CEP112: variants seen among roughly 807,000 people sequenced by gnomAD.
CEP112 encodes centrosomal protein 112.
CEP112 carries 127 observed loss-of-function variants against 153.0 expected under a neutral mutation model. That is an observed-to-expected ratio of 0.83 (90% CI 0.72 to 0.96). The LOEUF (loss-of-function observed/expected upper bound fraction) is 0.96, where lower values mean the gene tolerates loss of function less well. CEP112 is among the 40% of genes least tolerant of loss of function. CEP112 has a pLI of 0.00. For missense variants in CEP112, 1,089 were observed against 1,101.2 expected (o/e 0.99, Z 0.16); for synonymous variants, 358 against 374.4 (o/e 0.96, Z 0.51).
At chr17:66,031,509 G>A (rs2065483074) in intron 12 of CEP112, among the ~76,000 whole-genome samples, 1 of 140,336 alleles carries the variant, frequency 7.1e-6, no homozygotes, top group African/African-American at 2.7e-5. Flanking sequence ...TTTGAGACAG[G>A]GTCTCATAGC....
intron 18 of CEP112, among the ~76,000 whole-genome samples, chr17:65,952,924 G>A (rs1220086003): frequency 6.6e-6 from 1 of 152,122 alleles, no homozygotes; most frequent in African/African-American, 2.4e-5. Context: ...CTTCTTTTGT[G>A]AAGTGCCTGT....
At chr17:66,096,062 G>A (rs2068332596) in intron 8 of CEP112, among the ~76,000 whole-genome samples, 189 bp downstream of exon 8, 1 of 151,976 alleles carries the variant, frequency 6.6e-6, no homozygotes, top group South Asian at 2.1e-4. Flanking sequence ...CTCTATCTCT[G>A]GAAAAACAAA....
chr17:65,949,101 A>G (rs1263606418), intron 18 of CEP112, among the ~76,000 whole-genome samples: 2 of 152,164 alleles, frequency 1.3e-5, no homozygotes, highest in Non-Finnish European at 2.9e-5. Context: ...GTTATATCAG[A>G]TTCACATTTT....
chr17:66,068,597 A>G (rs1393735992), intron 9 of CEP112, among the ~76,000 whole-genome samples: 1 of 152,238 alleles, frequency 6.6e-6, no homozygotes, highest in Non-Finnish European at 1.5e-5. Context: ...TTTCAAATCT[A>G]GCATAAAGGA....
intron 8 of CEP112, among the ~76,000 whole-genome samples, chr17:66,079,560 T>C (rs2067636321): frequency 6.6e-6 from 1 of 152,166 alleles, no homozygotes. Flanking sequence ...AGAATGAATA[T>C]TGTGAAAATA....
intron 19 of CEP112, among the ~76,000 whole-genome samples, chr17:65,904,581 T>A (rs2060001744): frequency 6.6e-6 from 1 of 152,172 alleles, no homozygotes; most frequent in Non-Finnish European, 1.5e-5. Flanking sequence ...TTGACTTTCT[T>A]CACAGAATTA....
At chr17:66,077,002 GGGGAGAATACTACATCAA>G (rs1471135205) in intron 8 of CEP112, among the ~76,000 whole-genome samples, 25 of 152,242 alleles carry the variant, frequency 1.6e-4, no homozygotes, top group African/African-American at 6.0e-4. Context: ...GTAGGAAAAG[GGGGAGAATACTACATCAA>G]GGGAATACCC....
chr17:66,145,519 C>A (rs2146641153), intron 4 of CEP112, among the ~76,000 whole-genome samples: 1 of 152,142 alleles, frequency 6.6e-6, no homozygotes, highest in Non-Finnish European at 1.5e-5. Flanking sequence ...TTCATTTAGG[C>A]CTATAACTCA....
chr17:66,042,705 G>A lies in CEP112; in HGVS notation c.1218+11031C>T, dbSNP rs1002553379. On this transcript the variant is annotated intron_variant, in intron 12 of 26. Coordinates refer to ENST00000535342, the MANE Select transcript of CEP112 (RefSeq NM_001199165.4). ...AATAAATGAAAGACTTTAGCTAATA[G>A]TGTATCAATATTGATTTACTTATTG... Among the ~76,000 whole-genome samples the A allele has an allele frequency of 2.6e-5, 4 of 152,286 alleles. No homozygotes were observed. The East Asian group carries it at 5.8e-4, about 22-fold the overall frequency.
intron 11 of CEP112, among the ~76,000 whole-genome samples, chr17:66,059,730 T>C (rs913827439): frequency 1.3e-5 from 2 of 152,190 alleles, no homozygotes; most frequent in African/African-American, 2.4e-5. Flanking sequence ...CACTGTGGAA[T>C]GCAGTTTGGA....
chr17:65,866,455 G>A (rs2058489270), intron 20 of CEP112, among the ~76,000 whole-genome samples: 1 of 152,244 alleles, frequency 6.6e-6, no homozygotes, highest in Non-Finnish European at 1.5e-5. Flanking sequence ...ACAGGCTTCT[G>A]GCAGGAGGTG....
Position 66,096,639 on chromosome 17 carries a change from A to T in CEP112, c.643-7T>A. 6.4e-7 allele frequency: 1 copy of T among 1,554,536 alleles called. No individual in the cohort carries two copies. Among genetic ancestry groups the T allele is most frequent in the Non-Finnish European group, 8.8e-7 (1 of 1,133,504 alleles). ...GGTATCGAGGATTTTCTATCTGAAAATTTAAAAATAAAACAAAATAAGGAT... is the reference window on the plus strand; with the variant it reads ...GGTATCGAGGATTTTCTATCTGAAATTTTAAAAATAAAACAAAATAAGGAT... On this transcript the variant is annotated splice_polypyrimidine_tract_variant and splice_region_variant and intron_variant, in intron 6 of 26. Coordinates refer to ENST00000535342, the MANE Select transcript of CEP112 (RefSeq NM_001199165.4).
intron 6 of CEP112, among the ~76,000 whole-genome samples, chr17:66,099,922 C>T (rs964658535): frequency 5.9e-5 from 9 of 152,104 alleles, no homozygotes; most frequent in Non-Finnish European, 8.8e-5. Flanking sequence ...CATGTCAATA[C>T]TTAATAATAT....
intron 12 of CEP112, among the ~76,000 whole-genome samples, chr17:66,038,762 A>G (rs4506936): frequency 0.52 from 78,319 of 152,074 alleles, 21,104 homozygotes; most frequent in African/African-American, 0.59. Context: ...GCACTTGGAA[A>G]ACTAGGTTGG....
At chr17:65,893,835 A>G (rs1418728346) in intron 20 of CEP112, among the ~76,000 whole-genome samples, 1 of 152,122 alleles carries the variant, frequency 6.6e-6, no homozygotes, top group African/African-American at 2.4e-5. Flanking sequence ...ATATCATGCA[A>G]GTAGGCATGA....
At chr17:65,908,301 T>G (rs1167102417) in intron 19 of CEP112, among the ~76,000 whole-genome samples, 2 of 152,168 alleles carry the variant, frequency 1.3e-5, no homozygotes, top group Non-Finnish European at 2.9e-5. Context: ...CATATGATAG[T>G]CCTTTGAGAA....
chr17:65,965,010 C>G (rs549267176), intron 17 of CEP112, among the ~76,000 whole-genome samples: 1 of 152,106 alleles, frequency 6.6e-6, no homozygotes, highest in African/African-American at 2.4e-5. Flanking sequence ...AAATATATGA[C>G]CTATAGCTGA....
In CEP112 at chr17:65,763,681, C is replaced by T. The variant is rs149025876; in HGVS notation, c.2395-12957G>A. Among the ~76,000 whole-genome samples the T allele has an allele frequency of 3.5e-3, 529 of 152,108 alleles. 4 individuals are homozygous for T. Among genetic ancestry groups the T allele is most frequent in the African/African-American group, 0.012 (516 of 41,518 alleles). On this transcript the variant is annotated intron_variant, in intron 21 of 26. Transcript: ENST00000535342. ...TTTCATTCTTTCTTAGAATTTCCAT[C>T]TCTCTGCTTACACTGCCCATCTCTT...
At chr17:65,864,350 G>T (rs1340779365) in intron 20 of CEP112, among the ~76,000 whole-genome samples, 1 of 152,084 alleles carries the variant, frequency 6.6e-6, no homozygotes, top group Non-Finnish European at 1.5e-5. Context: ...TTATACCCAC[G>T]ATGTAGCAAG....
Sources: allele counts gnomAD v4.1 joint callset (sites outside exome capture counted in the v4.1 genomes callset), GRCh38; gene constraint gnomAD v4.1.1; transcripts MANE v1.5; gene names NCBI Gene and HGNC (gene_info 2026-07-23, HGNC 2026-07-21).